The following SLC12A2 variants were observed in gnomAD, a reference collection of about 807,000 sequenced individuals.
SLC12A2 encodes the protein Na-K-2Cl cotransporter 1.
SLC12A2 carries 67 observed loss-of-function variants against 136.3 expected under a neutral mutation model. The ratio of observed to expected loss-of-function variants is 0.49; its 90% CI spans 0.40 to 0.60. The LOEUF is 0.60. SLC12A2 is among the 20% of genes least tolerant of loss of function. The pLI is 0.00. For synonymous variants in SLC12A2, 619 were observed against 562.9 expected, an observed-to-expected ratio of 1.10 and a Z score of -1.41; for missense variants, 1,322 against 1,534.7, an observed-to-expected ratio of 0.86 and a Z score of 2.32.
chr5:128,143,084 T>C (rs956096903), intron 10 of SLC12A2, among the ~76,000 whole-genome samples: 1 of 152,140 alleles, frequency 6.6e-6, no homozygotes, highest in African/African-American at 2.4e-5. Context: ...TTCATAAATA[T>C]CATCTCTCCA....
intron 14 of SLC12A2, 42 bp downstream of exon 14, chr5:128,151,438 C>G (rs780902865): frequency 2.6e-6 from 4 of 1,531,830 alleles, no homozygotes; most frequent in Admixed American, 4.2e-5. Context: ...TAGAAAACAT[C>G]TAGAAGCTAG....
intron 21 of SLC12A2, 41 bp from the exon 22 acceptor site, chr5:128,178,526 A>AT (rs753643517): frequency 3.4e-6 from 5 of 1,459,620 alleles, no homozygotes; most frequent in Non-Finnish European, 4.6e-6. Context: ...GGACTTTAAT[A>AT]TTTACTTTGC....
At chr5:128,100,269 A>C (rs539302554) in intron 1 of SLC12A2, among the ~76,000 whole-genome samples, 1 of 152,264 alleles carries the variant, frequency 6.6e-6, no homozygotes, top group Admixed American at 6.5e-5. Flanking sequence ...ATTTCTACTT[A>C]ATAGTTTGTG....
At chr5:128,120,990 C>A (rs1264050455) in intron 4 of SLC12A2, among the ~76,000 whole-genome samples, 1 of 151,988 alleles carries the variant, frequency 6.6e-6, no homozygotes, top group Non-Finnish European at 1.5e-5. Flanking sequence ...TTATTCTTAT[C>A]TTGAAAATTA....
At chr5:128,101,982 A>G (rs1760756153) in intron 1 of SLC12A2, among the ~76,000 whole-genome samples, 1 of 152,138 alleles carries the variant, frequency 6.6e-6, no homozygotes, top group African/African-American at 2.4e-5. Flanking sequence ...TGCCAATATC[A>G]AATTATAAGA....
chr5:128,105,453 G>A (rs1760897514), intron 1 of SLC12A2, among the ~76,000 whole-genome samples: 1 of 152,190 alleles, frequency 6.6e-6, no homozygotes, highest in Non-Finnish European at 1.5e-5. Context: ...TACTGTAGGA[G>A]TTCAGTGAGA....
intron 15 of SLC12A2, among the ~76,000 whole-genome samples, chr5:128,156,017 T>C (rs1057216556): frequency 1.3e-5 from 2 of 152,066 alleles, no homozygotes; most frequent in African/African-American, 4.8e-5. Flanking sequence ...CCAGGGACTC[T>C]CTCCAGCAAA....
chr5:128,110,634 T>A (rs1761109831), intron 1 of SLC12A2: 2 of 1,093,114 alleles, frequency 1.8e-6, no homozygotes, highest in African/African-American at 3.1e-5. Flanking sequence ...TACTAGTTAG[T>A]GACAGTGTTG....
At chr5:128,105,768 C>T (rs537445110) in intron 1 of SLC12A2, among the ~76,000 whole-genome samples, 57 of 152,246 alleles carry the variant, frequency 3.7e-4, no homozygotes, top group African/African-American at 1.3e-3. Flanking sequence ...ACCAGAGTTT[C>T]CATCTTTTTT....
chr5:128,118,885 C>T (rs946937693), intron 4 of SLC12A2, among the ~76,000 whole-genome samples: 16 of 152,150 alleles, frequency 1.1e-4, no homozygotes, highest in African/African-American at 3.4e-4. Context: ...TTTTAAATGA[C>T]AGCATAGGGT....
chr5:128,132,609 C>A (rs774670660), intron 5 of SLC12A2, among the ~76,000 whole-genome samples: 1 of 151,992 alleles, frequency 6.6e-6, no homozygotes, highest in African/African-American at 2.4e-5. Context: ...TGAGAGGAAC[C>A]TCAAGTGACA....
At chr5:128,154,678 G>A (rs1433395877) in intron 15 of SLC12A2, among the ~76,000 whole-genome samples, 1 of 152,118 alleles carries the variant, frequency 6.6e-6, no homozygotes, top group Non-Finnish European at 1.5e-5. Flanking sequence ...TGGAACTGCA[G>A]AGAGTACTGA....
intron 15 of SLC12A2, among the ~76,000 whole-genome samples, chr5:128,154,414 C>CA (rs755575640): frequency 0.016 from 2,026 of 123,136 alleles, 44 homozygotes; most frequent in African/African-American, 0.053. Flanking sequence ...GACCCTGTCT[C>CA]AAAAAAAAAA....
chr5:128,131,927 C>A (rs1475472389), intron 5 of SLC12A2, among the ~76,000 whole-genome samples: 2 of 152,188 alleles, frequency 1.3e-5, no homozygotes, highest in African/African-American at 2.4e-5. Flanking sequence ...ATTGCTAGAA[C>A]TGGGGAGGCA....
chr5:128,126,958 ATATATATATTTTT>A, intron 4 of SLC12A2, among the ~76,000 whole-genome samples: 1 of 28,528 alleles, frequency 3.5e-5, no homozygotes, highest in African/African-American at 3.0e-4. Context: ...ATATATATAT[ATATATATATTTTT>A]TTTTTTTTTT....
At chr5:128,177,074 C>T in intron 20 of SLC12A2, 31 bp from the exon 21 acceptor site, 1 of 1,414,154 alleles carries the variant, frequency 7.1e-7, no homozygotes, top group Non-Finnish European at 9.7e-7. Context: ...AGGCAATTAA[C>T]ATATTTTTGT....
chr5:128,093,905 C>T (rs1284955926), intron 1 of SLC12A2, among the ~76,000 whole-genome samples: 1 of 152,096 alleles, frequency 6.6e-6, no homozygotes, highest in Admixed American at 6.6e-5. Context: ...TGGTTTGCCT[C>T]TTCTTCAGTG....
At chr5:128,144,119 A>G (rs1264834088) in intron 10 of SLC12A2, among the ~76,000 whole-genome samples, 1 of 152,122 alleles carries the variant, frequency 6.6e-6, no homozygotes, top group Non-Finnish European at 1.5e-5. Flanking sequence ...TATGGAAGGC[A>G]CAAACATTGG....
chr5:128,164,946 G>C (rs1307008468), intron 17 of SLC12A2, among the ~76,000 whole-genome samples: 1 of 149,964 alleles, frequency 6.7e-6, no homozygotes, highest in Non-Finnish European at 1.5e-5. Flanking sequence ...GGGCTCAAGT[G>C]ATCCTCCCAC....
Sources: allele counts gnomAD v4.1 joint callset (sites outside exome capture counted in the v4.1 genomes callset), GRCh38; gene constraint gnomAD v4.1.1; transcripts MANE v1.5; gene names NCBI Gene and HGNC (gene_info 2026-07-23, HGNC 2026-07-21).